The following CDH7 variants were observed in gnomAD, a reference collection of about 807,000 sequenced individuals.
CDH7 encodes cadherin-7.
Under a neutral mutation model 71.8 loss-of-function variants are expected in CDH7, and 25 were observed. The observed-to-expected ratio is 0.35, with a 90% confidence interval of 0.25 to 0.49. The LOEUF (loss-of-function observed/expected upper bound fraction) is 0.49, where lower values mean the gene tolerates loss of function less well. Among genes scored for constraint, CDH7 ranks in the 20% least tolerant of loss-of-function variants. The pLI is 0.99. For synonymous variants in CDH7, 381 were observed against 363.8 expected (o/e 1.05, Z -0.54); for missense variants, 862 against 974.6 (o/e 0.88, Z 1.54).
chr18:65,810,855 T>C (rs1203028856), intron 3 of CDH7, among the ~76,000 whole-genome samples: 1 of 152,188 alleles, frequency 6.6e-6, no homozygotes, highest in Non-Finnish European at 1.5e-5. Context: ...TTTGGAGATA[T>C]ATATTTAAAA....
intron 2 of CDH7, among the ~76,000 whole-genome samples, chr18:65,785,493 A>G (rs1291115207): frequency 2.0e-5 from 3 of 152,132 alleles, no homozygotes; most frequent in Non-Finnish European, 4.4e-5. Flanking sequence ...AGCTTTTATT[A>G]GTAGAAGGTA....
intron 7 of CDH7, among the ~76,000 whole-genome samples, chr18:65,853,921 A>ATATATATATC: frequency 2.8e-5 from 2 of 71,048 alleles, no homozygotes; most frequent in African/African-American, 1.6e-4. Context: ...ATATATATAT[A>ATATATATATC]TATATATATA....
At chr18:65,802,687 G>A (rs1193720230) in intron 2 of CDH7, among the ~76,000 whole-genome samples, 1 of 152,190 alleles carries the variant, frequency 6.6e-6, no homozygotes, top group Middle Eastern at 3.2e-3. Context: ...AAGCGAGGAT[G>A]AAGCCTCAGC....
intron 1 of CDH7, among the ~76,000 whole-genome samples, chr18:65,760,521 T>G (rs2143782679): frequency 6.6e-6 from 1 of 152,342 alleles, no homozygotes; most frequent in Non-Finnish European, 1.5e-5. Flanking sequence ...GGTATAATTT[T>G]GCTCTATTGC....
At chr18:65,786,285 G>A (rs1334016507) in intron 2 of CDH7, among the ~76,000 whole-genome samples, 1 of 151,618 alleles carries the variant, frequency 6.6e-6, no homozygotes, top group East Asian at 1.9e-4. Flanking sequence ...TAATAACCAA[G>A]GGTAGATATG....
chr18:65,869,545 A>ATTTT (rs10696115), intron 11 of CDH7, among the ~76,000 whole-genome samples: 4,204 of 91,336 alleles, frequency 0.046, 390 homozygotes, highest in African/African-American at 0.075. Flanking sequence ...AAGTGGGTCA[A>ATTTT]TTTTTTTTTT....
At chr18:65,781,216 C>A (rs998395263) in intron 2 of CDH7, among the ~76,000 whole-genome samples, 1 of 152,076 alleles carries the variant, frequency 6.6e-6, no homozygotes, top group African/African-American at 2.4e-5. Context: ...GACACTGAAT[C>A]CTCAGATTCG....
chr18:65,783,130 A>G (rs1294006219), intron 2 of CDH7, among the ~76,000 whole-genome samples: 1 of 152,186 alleles, frequency 6.6e-6, no homozygotes, highest in Non-Finnish European at 1.5e-5. Context: ...TATTGAGTAG[A>G]TGAATTGCCA....
chr18:65,796,905 TGTGAAATAAATGTAGCC>T lies in CDH7; in HGVS notation c.211-12796_211-12780del, dbSNP rs1910937525. On this transcript the variant is annotated intron_variant, in intron 2 of 11. Coordinates refer to ENST00000397968, the MANE Select transcript of CDH7 (RefSeq NM_004361.5). ...GGGCAGAAGGAGTGAAGAGTCAAAC[TGTGAAATAAATGTAGCC>T]GTTAAGAAAATAGGAAACCTATTAC... Among the ~76,000 whole-genome samples, 12 of 152,282 alleles carry T rather than the reference TGTGAAATAAATGTAGCC, an allele frequency of 7.9e-5. No homozygotes were observed. In the South Asian group the frequency reaches 2.5e-3, roughly 32 times the overall value.
chr18:65,827,782 A>G (rs1912186496), intron 6 of CDH7, among the ~76,000 whole-genome samples: 2 of 151,948 alleles, frequency 1.3e-5, no homozygotes, highest in Middle Eastern at 3.2e-3. Context: ...GCATGAACCT[A>G]AGCAGTATGG....
chr18:65,851,264 TACAC>T (rs372614434), intron 7 of CDH7, among the ~76,000 whole-genome samples: 11 of 150,874 alleles, frequency 7.3e-5, no homozygotes, highest in African/African-American at 2.7e-4. Context: ...CTTACAGCAA[TACAC>T]ACACACACAC....
rs564371228 is a variant in CDH7 at position 65,836,652 on chromosome 18, T to C, written c.982-7160T>C. 2.7e-5 allele frequency among the ~76,000 whole-genome samples: 4 copies of C among 150,560 alleles called. 1 individual carries two copies. In the South Asian group the frequency reaches 8.5e-4, roughly 32 times the overall value. On this transcript the variant is annotated intron_variant, in intron 6 of 11. Coordinates refer to ENST00000397968, the MANE Select transcript of CDH7 (RefSeq NM_004361.5). ...GCAAGCTGCAAATGTTTGTTCATGT[T>C]CTGTCCTAATATCTGTGTTCAAGTA...
In CDH7 at chr18:65,886,319, A is replaced by G. The variant is rs1447918145; in HGVS notation, c.*5425A>G. On this transcript the variant is annotated 3_prime_UTR_variant, in exon 12 of 12. Transcript: ENST00000397968. The stretch of plus-strand genomic sequence containing the variant: ...AGAATTTCTGTTTGGAGATACATAC[A>G]TTAAGGAAAAATATATGCAACTTGG... 2.0e-5 allele frequency: 3 copies of G among 152,208 alleles called. No individual in the cohort carries two copies. The highest frequency in any genetic ancestry group is 2.9e-5 in the Non-Finnish European group (2 of 68,036). 9.4% of individuals were successfully genotyped at this position (152,208 alleles called of 1,614,324 possible). A position where few individuals can be genotyped will look rare whatever the true frequency, so the allele number is the denominator to read the frequency against.
chr18:65,874,963 G>A (rs1012042403), intron 11 of CDH7, among the ~76,000 whole-genome samples: 1 of 152,128 alleles, frequency 6.6e-6, no homozygotes, highest in Non-Finnish European at 1.5e-5. Context: ...CATGCATGTG[G>A]AGCAAGCTTG....
chr18:65,859,152 C>G, intron 9 of CDH7, 106 bp downstream of exon 9: 1 of 1,058,596 alleles, frequency 9.4e-7, no homozygotes, highest in Non-Finnish European at 1.4e-6. Context: ...ATATAATCAG[C>G]TTGTTTCAGC....
At chr18:65,823,340 T>TA (rs1001579742) in intron 5 of CDH7, among the ~76,000 whole-genome samples, 79 of 152,020 alleles carry the variant, frequency 5.2e-4, no homozygotes, top group African/African-American at 1.8e-3. Context: ...CTTTTAGAAT[T>TA]AAAAAATGTA....
Position 65,781,776 on chromosome 18 carries a change from T to TTTCTTTCTTTCTTTCTA in CDH7, c.210+18725_210+18726insTCTTTCTTTCTTTCTAT, listed in dbSNP as rs1568181291. Among the ~76,000 whole-genome samples the TTTCTTTCTTTCTTTCTA allele has an allele frequency of 4.1e-3, 235 of 56,852 alleles. 42 individuals carry two copies. Among genetic ancestry groups the TTTCTTTCTTTCTTTCTA allele is most frequent in the East Asian group, 8.8e-3 (18 of 2,046 alleles). 37.3% of individuals were successfully genotyped at this position (56,852 alleles called of 152,430 possible). A position where few individuals can be genotyped will look rare whatever the true frequency, so the allele number is the denominator to read the frequency against. On this transcript the variant is annotated intron_variant, in intron 2 of 11. Coordinates refer to ENST00000397968, the MANE Select transcript of CDH7 (RefSeq NM_004361.5). The stretch of plus-strand genomic sequence containing the variant: ...TTTCTTTCTTTCTTTCTTTCCTTCC[T>TTTCTTTCTTTCTTTCTA]TCCTTCCTTCCTTCCTTCCTTCCTT...
intron 2 of CDH7, among the ~76,000 whole-genome samples, chr18:65,806,896 A>G (rs1465831650): frequency 6.6e-6 from 1 of 152,182 alleles, no homozygotes; most frequent in Admixed American, 6.6e-5. Flanking sequence ...ATAATTATGT[A>G]CCTGTTTTAA....
At chr18:65,758,212 A>G (rs1397526759) in intron 1 of CDH7, among the ~76,000 whole-genome samples, 1 of 152,226 alleles carries the variant, frequency 6.6e-6, no homozygotes, top group South Asian at 2.1e-4. Flanking sequence ...TGACAACCAC[A>G]AAGAACTACA....
Sources: allele counts gnomAD v4.1 joint callset (sites outside exome capture counted in the v4.1 genomes callset), GRCh38; gene constraint gnomAD v4.1.1; transcripts MANE v1.5; gene names NCBI Gene and HGNC (gene_info 2026-07-23, HGNC 2026-07-21).